SCFD2: variants seen among roughly 807,000 people sequenced by gnomAD.
SCFD2 encodes sec1 family domain-containing protein 2.
A neutral mutation model predicts 58.9 loss-of-function variants in SCFD2; 54 were observed. The ratio of observed to expected loss-of-function variants is 0.92; its 90% CI spans 0.74 to 1.15. The LOEUF (loss-of-function observed/expected upper bound fraction) is 1.15, where lower values mean the gene tolerates loss of function less well. SCFD2 is among the 50% of genes most tolerant of loss of function. SCFD2 has a pLI of 0.00. For synonymous variants in SCFD2, 321 were observed against 335.9 expected, an observed-to-expected ratio of 0.96 and a Z score of 0.49; for missense variants, 805 against 836.6, an observed-to-expected ratio of 0.96 and a Z score of 0.47.
At chr4:53,126,735 G>A (rs1194026931) in intron 5 of SCFD2, among the ~76,000 whole-genome samples, 1 of 152,174 alleles carries the variant, frequency 6.6e-6, no homozygotes, top group Non-Finnish European at 1.5e-5. Context: ...CAGAGTACAA[G>A]TTGTGTGGGT....
chr4:53,144,930 A>C lies in SCFD2; in HGVS notation c.1561+403T>G, dbSNP rs191093029. ...CCTGTTAGGAACCGGGCACAGCAGG[A>C]GGTGTGCAGTGGGCAAGCAAGCATT... On this transcript the variant is annotated intron_variant, in intron 5 of 8. Transcript: ENST00000401642. Among the ~76,000 whole-genome samples, 303 of 152,278 alleles carry C rather than the reference A, an allele frequency of 2.0e-3. 1 individual carries two copies. The highest frequency in any genetic ancestry group is 0.014 in the Middle Eastern group (4 of 294).
chr4:53,110,339 C>G (rs1336435813), intron 5 of SCFD2, among the ~76,000 whole-genome samples: 1 of 152,096 alleles, frequency 6.6e-6, no homozygotes, highest in Non-Finnish European at 1.5e-5. Flanking sequence ...TGGGCAAAGA[C>G]TTCATGACCA....
At chr4:52,935,933 G>A (rs1720125040) in intron 5 of SCFD2, among the ~76,000 whole-genome samples, 1 of 152,072 alleles carries the variant, frequency 6.6e-6, no homozygotes, top group African/African-American at 2.4e-5. Flanking sequence ...CGCCTCCCGG[G>A]TTCAAGCAAT....
At chr4:52,918,749 T>TAG (rs774681678) in intron 6 of SCFD2, among the ~76,000 whole-genome samples, 6 of 152,164 alleles carry the variant, frequency 3.9e-5, no homozygotes, top group Non-Finnish European at 7.4e-5. Context: ...ACATGTCCCC[T>TAG]CACTGCCACC....
At chr4:53,275,130 C>T (rs987071332) in intron 3 of SCFD2, among the ~76,000 whole-genome samples, 30 of 152,214 alleles carry the variant, frequency 2.0e-4, no homozygotes, top group Non-Finnish European at 3.1e-4. Flanking sequence ...GCTTGTGCTG[C>T]ATCTATTAGT....
intron 5 of SCFD2, among the ~76,000 whole-genome samples, chr4:52,986,308 A>G (rs1216320452): frequency 6.6e-6 from 1 of 152,090 alleles, no homozygotes; most frequent in Non-Finnish European, 1.5e-5. Context: ...GGGAAAGCTC[A>G]ATGATAAGAA....
At chr4:53,299,494 G>A (rs1430444544) in intron 3 of SCFD2, among the ~76,000 whole-genome samples, 2 of 152,170 alleles carry the variant, frequency 1.3e-5, no homozygotes, top group African/African-American at 4.8e-5. Context: ...AAGTGACAGG[G>A]AGAATGGAAC....
intron 5 of SCFD2, among the ~76,000 whole-genome samples, chr4:52,952,338 C>T (rs1393161116): frequency 5.5e-5 from 8 of 146,270 alleles, no homozygotes; most frequent in African/African-American, 1.5e-4. Context: ...GACAGTAACA[C>T]ACCACCATCA....
At chr4:53,245,792 A>T (rs1730050135) in intron 4 of SCFD2, among the ~76,000 whole-genome samples, 1 of 152,208 alleles carries the variant, frequency 6.6e-6, no homozygotes, top group Admixed American at 6.5e-5. Context: ...AACTGCCACA[A>T]GACAAGGGTG....
chr4:53,177,908 G>C (rs541551586), intron 4 of SCFD2, among the ~76,000 whole-genome samples: 1 of 152,288 alleles, frequency 6.6e-6, no homozygotes, highest in Middle Eastern at 3.4e-3. Flanking sequence ...CTCATTTCTA[G>C]CACAGCAGTC....
intron 5 of SCFD2, among the ~76,000 whole-genome samples, chr4:53,110,854 G>A (rs1725149303): frequency 6.6e-6 from 1 of 152,108 alleles, no homozygotes; most frequent in Non-Finnish European, 1.5e-5. Context: ...CCCAAAGGAT[G>A]ATAAATCATT....
chr4:53,100,010 T>C (rs1333817214), intron 5 of SCFD2, among the ~76,000 whole-genome samples: 1 of 152,132 alleles, frequency 6.6e-6, no homozygotes, highest in African/African-American at 2.4e-5. Context: ...GGAAGTCTCA[T>C]AAATACCAAT....
chr4:53,170,526 T>C (rs1727149645), intron 4 of SCFD2, among the ~76,000 whole-genome samples: 1 of 152,174 alleles, frequency 6.6e-6, no homozygotes, highest in South Asian at 2.1e-4. Flanking sequence ...AGTTTTTATG[T>C]TGTTTCATAT....
intron 5 of SCFD2, among the ~76,000 whole-genome samples, chr4:53,061,326 A>G (rs1723503235): frequency 6.6e-6 from 1 of 152,124 alleles, no homozygotes; most frequent in Admixed American, 6.6e-5. Context: ...GAGTCCTCAC[A>G]ACAATGCTCG....
chr4:52,936,337 T>G (rs1720138112), intron 5 of SCFD2, among the ~76,000 whole-genome samples: 1 of 152,134 alleles, frequency 6.6e-6, no homozygotes, highest in Non-Finnish European at 1.5e-5. Flanking sequence ...TAGCCTCCAT[T>G]TCATTTTTCA....
chr4:53,128,373 C>A (rs999689274), intron 5 of SCFD2, among the ~76,000 whole-genome samples: 14 of 152,102 alleles, frequency 9.2e-5, no homozygotes, highest in Admixed American at 7.9e-4. Context: ...CTATAATCAC[C>A]TCAAAGTCAA....
rs1720038787 is a variant in SCFD2 at position 52,933,095 on chromosome 4, G to A, written c.1562-12225C>T. ...AAACAAATGCAGAAAAATCAGGGAAGCTTACAGAAAGATGTCTCCCTCTTG... is the reference window on the plus strand; with the variant it reads ...AAACAAATGCAGAAAAATCAGGGAAACTTACAGAAAGATGTCTCCCTCTTG... On this transcript the variant is annotated intron_variant, in intron 5 of 8. Transcript: ENST00000401642. 2.0e-5 allele frequency among the ~76,000 whole-genome samples: 3 copies of A among 152,246 alleles called. No individual in the cohort carries two copies. In the South Asian group the frequency reaches 6.2e-4, roughly 32 times the overall value.
At chr4:53,186,867 C>G (rs1448907842) in intron 4 of SCFD2, among the ~76,000 whole-genome samples, 1 of 151,960 alleles carries the variant, frequency 6.6e-6, no homozygotes, top group Non-Finnish European at 1.5e-5. Flanking sequence ...GGGATGATGA[C>G]AATATCTGAC....
intron 5 of SCFD2, among the ~76,000 whole-genome samples, chr4:53,085,723 C>G (rs1724286564): frequency 6.6e-6 from 1 of 151,924 alleles, no homozygotes; most frequent in East Asian, 1.9e-4. Flanking sequence ...AATCCAGAAA[C>G]AAATCCATAC....
Sources: allele counts gnomAD v4.1 joint callset (sites outside exome capture counted in the v4.1 genomes callset), GRCh38; gene constraint gnomAD v4.1.1; transcripts MANE v1.5; gene names NCBI Gene and HGNC (gene_info 2026-07-23, HGNC 2026-07-21).